NEK8: variants seen among roughly 807,000 people sequenced by gnomAD.
NEK8 encodes NIMA related kinase 8.
In NEK8, 51 loss-of-function variants were observed where a neutral mutation model predicts 77.2. The observed-to-expected ratio is 0.66, with a 90% CI of 0.53 to 0.83. The LOEUF is 0.83. Among genes scored for constraint, NEK8 ranks in the 40% least tolerant of loss-of-function variants. The pLI, the probability that NEK8 is intolerant of heterozygous loss-of-function variation, is 0.00. For missense variants in NEK8, 787 were observed against 909.2 expected (o/e 0.87, Z 1.73); for synonymous variants, 365 against 363.2 (o/e 1.00, Z -0.06).
chr17:28,738,852 A>C (rs2034393244), intron 9 of NEK8, 105 bp downstream of exon 9: 1 of 946,642 alleles, frequency 1.1e-6, no homozygotes, highest in Non-Finnish European at 1.7e-6. Flanking sequence ...CAGCAACCAC[A>C]GGTTCCTCTA....
chr17:28,729,285 G>C (rs2034282413), intron 1 of NEK8, among the ~76,000 whole-genome samples: 3 of 152,334 alleles, frequency 2.0e-5, no homozygotes, highest in Non-Finnish European at 2.9e-5. Flanking sequence ...TGTGAGGATA[G>C]AGTACATTAC....
chr17:28,732,545 C>CTTTTTTTTTTTTTTTT (rs1054257308), intron 1 of NEK8, among the ~76,000 whole-genome samples: 7 of 77,912 alleles, frequency 9.0e-5, no homozygotes, highest in Admixed American at 1.8e-4. Flanking sequence ...TTTTTCTTTT[C>CTTTTTTTTTTTTTTTT]TTTTTTTTTT....
chr17:28,734,451 G>A (rs1481044561), intron 2 of NEK8: 22 of 570,704 alleles, frequency 3.9e-5, no homozygotes, highest in East Asian at 1.5e-4. Context: ...CGAGGCGGGC[G>A]GATCATGAGG....
In NEK8 at chr17:28,741,487, C is replaced by G; in HGVS notation, c.1966C>G (p.Arg656Gly). Residue 656 changes from arginine to glycine, a missense_variant, in exon 14 of 15, where the codon CGG becomes GGG. Arg to Gly is a moderately radical substitution (Grantham distance 125). Around this residue, in one of 2 missense-constraint regions of NEK8, gnomAD observed 516 missense variants for 544.0 expected, o/e 0.95. Transcript: ENST00000268766. The surrounding 1 kb of genome is among the most constrained non-coding windows in gnomAD (Gnocchi z 4.5). ...GRRDEDAGLP[R>G]PVQLDETHPY... ...GAGGGATGAGGATGCCGGACTCCCT[C>G]GGCCAGTGCAGTTGGATGAGACACA... The G allele has an allele frequency of 2.5e-6, 4 of 1,614,148 alleles. No homozygotes were observed. Among genetic ancestry groups the G allele is most frequent in the Non-Finnish European group, 3.4e-6 (4 of 1,180,012 alleles).
intron 1 of NEK8, among the ~76,000 whole-genome samples, chr17:28,730,871 TGA>T (rs944094260): frequency 2.0e-5 from 3 of 151,964 alleles, no homozygotes; most frequent in African/African-American, 7.3e-5. Flanking sequence ...TGTAGTAAGC[TGA>T]GATGAGACCC....
At chr17:28,733,197 G>A (rs2034327535) in intron 1 of NEK8, among the ~76,000 whole-genome samples, 1 of 152,078 alleles carries the variant, frequency 6.6e-6, no homozygotes, top group African/African-American at 2.4e-5. Context: ...TCTGATTTTA[G>A]CAGTTTCTGA....
rs758136571 is a variant in NEK8 at position 28,735,339 on chromosome 17, C to G, written c.586C>G (p.Leu196Val). ...GGCCCTGGGCTGTGTCCTCTACGAG[C>G]TGGCCAGCCTCAAGAGGGCTTTCGA... ...IWALGCVLYE[L>V]ASLKRAFEAA... Residue 196 changes from leucine (L) to valine (V), a missense_variant, in exon 4 of 15, where the codon CTG becomes GTG. By Grantham distance (32) the Leu-to-Val change is conservative (BLOSUM62 1). Around this residue, in one of 2 missense-constraint regions of NEK8, gnomAD observed 271 missense variants for 365.1 expected, o/e 0.74. Coordinates refer to ENST00000268766, the MANE Select transcript of NEK8 (RefSeq NM_178170.3). The G allele has an allele frequency of 1.2e-6, 2 of 1,614,042 alleles. No individual in the cohort carries two copies. The highest frequency in any genetic ancestry group is 1.7e-6 in the Non-Finnish European group (2 of 1,179,958).
chr17:28,738,635 C>T (rs1325755690), intron 8 of NEK8, 36 bp from the exon 9 acceptor site: 2 of 1,598,468 alleles, frequency 1.3e-6, no homozygotes, highest in South Asian at 2.2e-5. Context: ...TGTTTAACTT[C>T]TTTCCCTTCT....
chr17:28,739,342 T>C (rs1034458518), intron 10 of NEK8, 141 bp downstream of exon 10: 4 of 755,702 alleles, frequency 5.3e-6, no homozygotes, highest in African/African-American at 1.7e-5. Context: ...CAAACCTTTA[T>C]TTTACACCGA....
At chr17:28,731,367 G>A (rs2034304952) in intron 1 of NEK8, among the ~76,000 whole-genome samples, 1 of 151,796 alleles carries the variant, frequency 6.6e-6, no homozygotes, top group Non-Finnish European at 1.5e-5. Flanking sequence ...GTAAAACCCC[G>A]TCTCTACTAA....
intron 8 of NEK8, 70 bp from the exon 9 acceptor site, chr17:28,738,601 G>A: frequency 7.1e-7 from 1 of 1,410,910 alleles, no homozygotes; most frequent in Non-Finnish European, 1.0e-6. Context: ...CAACCCACTG[G>A]AGGACCGGGC....
intron 1 of NEK8, among the ~76,000 whole-genome samples, chr17:28,732,481 T>C (rs971866151): frequency 5.3e-5 from 8 of 151,030 alleles, no homozygotes; most frequent in African/African-American, 1.9e-4. Context: ...ATTGCAGAGG[T>C]AGAAATAGGA....
chr17:28,739,542 G>A lies in NEK8; in HGVS notation c.1417+341G>A, dbSNP rs1477072029. 8.5e-5 allele frequency among the ~76,000 whole-genome samples: 13 copies of A among 152,216 alleles called. No individual in the cohort carries two copies. The East Asian group carries it at 1.5e-3, about 18-fold the overall frequency. On this transcript the variant is annotated intron_variant, in intron 10 of 14. Coordinates refer to ENST00000268766, the MANE Select transcript of NEK8 (RefSeq NM_178170.3). ...TCAGCTCACTGCAACCTCCACCACC[G>A]GGTTCAAGCGAATCTCCTGCCTCAG...
In NEK8 at chr17:28,737,954, C is replaced by T. The variant is rs758918296; in HGVS notation, c.1025C>T (p.Thr342Met). The T allele has an allele frequency of 3.1e-6, 5 of 1,612,468 alleles. No homozygotes were observed. The highest frequency in any genetic ancestry group is 2.2e-5 in the South Asian group (2 of 91,048). ...GTGGTCCAGGTGGCAGCTGGGCGCA[C>T]GCAGAAAGCCGGCGTCACGCGCTCT... ...TEVVQVAAGR[T>M]QKAGVTRSGR... Residue 342 changes from threonine (T) to methionine (M), a missense_variant, in exon 7 of 15, where the codon ACG (threonine) becomes ATG (methionine). Thr to Met is a moderately conservative substitution (Grantham distance 81). Coordinates refer to ENST00000268766, the MANE Select transcript of NEK8 (RefSeq NM_178170.3). This position sits in a 1 kb window ranked among gnomAD's most constrained non-coding sequence, Gnocchi z 4.8.
At position 28,738,665 on chromosome 17, in the gene NEK8, C is replaced by T; in HGVS notation, c.1223-6C>T. ...CCTTCTCCTTCCTCACTGCCCTTCTCCCCAGACAGAGGCATCATCATGACA... is the reference window on the plus strand; with the variant it reads ...CCTTCTCCTTCCTCACTGCCCTTCTTCCCAGACAGAGGCATCATCATGACA... On this transcript the variant is annotated splice_region_variant and splice_polypyrimidine_tract_variant and intron_variant, in intron 8 of 14. Coordinates refer to ENST00000268766, the MANE Select transcript of NEK8 (RefSeq NM_178170.3). The T allele has an allele frequency of 6.2e-7, 1 of 1,613,722 alleles. No homozygotes were observed.
At position 28,740,708 on chromosome 17, in the gene NEK8, T is replaced by C; in HGVS notation, c.1568+95T>C. The stretch of plus-strand genomic sequence containing the variant: ...GCCTACCTTTCACCAAAGACCAGAA[T>C]TGAGGGGGTTGAGGGTGCTATTGGT... On this transcript the variant is annotated intron_variant, in intron 11 of 14. Coordinates refer to ENST00000268766, the MANE Select transcript of NEK8 (RefSeq NM_178170.3). The surrounding 1 kb of genome is among the most constrained non-coding windows in gnomAD (Gnocchi z 4.7). 3.2e-6 allele frequency: 5 copies of C among 1,570,582 alleles called. No individual in the cohort carries two copies. Among genetic ancestry groups the C allele is most frequent in the Non-Finnish European group, 3.5e-6 (4 of 1,141,720 alleles).
At chr17:28,734,297 G>C in intron 2 of NEK8, 109 bp downstream of exon 2, 1 of 991,126 alleles carries the variant, frequency 1.0e-6, no homozygotes, top group Non-Finnish European at 1.6e-6. Flanking sequence ...CCAAGGGTTA[G>C]AGTTCTGGTC....
rs969689756 is a variant in NEK8 at position 28,741,353 on chromosome 17, G to A, written c.1892-60G>A. The A allele has an allele frequency of 5.0e-6, 8 of 1,602,532 alleles. No homozygotes were observed. The highest frequency in any genetic ancestry group is 2.2e-5 in the East Asian group (1 of 44,520). On this transcript the variant is annotated intron_variant, in intron 13 of 14. Coordinates refer to ENST00000268766, the MANE Select transcript of NEK8 (RefSeq NM_178170.3). The surrounding 1 kb of genome is among the most constrained non-coding windows in gnomAD (Gnocchi z 4.5). Reference sequence around the variant, plus strand: ...GGGGCCATCCTGGCAATGTGGGAGGGGAGATCCTGCTCGGGCTGTGCCCAC... The same window carrying A: ...GGGGCCATCCTGGCAATGTGGGAGGAGAGATCCTGCTCGGGCTGTGCCCAC...
intron 1 of NEK8, among the ~76,000 whole-genome samples, chr17:28,730,558 G>A (rs2151730451): frequency 6.6e-6 from 1 of 152,312 alleles, no homozygotes; most frequent in East Asian, 1.9e-4. Flanking sequence ...ACAGGCGTGA[G>A]CCACCACTCC....
Sources: gnomAD v4.1 joint callset for allele counts (sites outside exome capture counted in the v4.1 genomes callset) on GRCh38, gnomAD v4.1.1 for gene constraint, gnomAD v4.1.1 regional missense constraint, Gnocchi (gnomAD v3.1) non-coding constraint, MANE v1.5 for transcripts, NCBI Gene and HGNC (gene_info 2026-07-23, HGNC 2026-07-21) for gene names.